Variants in HERC1 observed in about 807,000 individuals in gnomAD.
HERC1 encodes the protein probable E3 ubiquitin-protein ligase HERC1.
Under a neutral mutation model 554.3 loss-of-function variants are expected in HERC1, and 160 were observed. The observed-to-expected ratio is 0.29, with a 90% CI of 0.25 to 0.33. The LOEUF is 0.33. Ranked by LOEUF, HERC1 falls within the 10% of genes least tolerant of loss-of-function variation. The pLI is 1.00. For missense variants in HERC1, 4,919 were observed against 5,918.5 expected, an observed-to-expected ratio of 0.83 and a Z score of 5.54; for synonymous variants, 2,175 against 2,131.7, an observed-to-expected ratio of 1.02 and a Z score of -0.56.
In HERC1 at chr15:63,663,196, A is replaced by G. The variant is rs1302948647; in HGVS notation, c.8689T>C (p.Tyr2897His). The change falls in exon 44 of 78, where the codon TAC (tyrosine) becomes CAC (histidine). Residue 2897 changes from tyrosine to histidine, a missense_variant. By Grantham distance (83) the Tyr-to-His change is moderately conservative. This residue lies in a region of HERC1 where 1,963 missense variants were observed against 2,228.6 expected (regional missense o/e 0.88). Coordinates refer to ENST00000443617, the MANE Select transcript of HERC1 (RefSeq NM_003922.4). Reference sequence around the variant, plus strand: ...TTCCTGTGGGCCTGCACAGAGCGGTATAATCCCGCTCAGAACAAAACAAAA... The same window carrying G: ...TTCCTGTGGGCCTGCACAGAGCGGTGTAATCCCGCTCAGAACAAAACAAAA... ...RTLLARAAGL[Y>H]RSVQAHRNQS... 6.2e-7 allele frequency: 1 copy of G among 1,613,616 alleles called. No individual in the cohort carries two copies. Among genetic ancestry groups the G allele is most frequent in the Non-Finnish European group, 8.5e-7 (1 of 1,179,682 alleles).
chr15:63,656,030 C>T, intron 49 of HERC1, 58 bp downstream of exon 49: 3 of 1,597,898 alleles, frequency 1.9e-6, no homozygotes, highest in Non-Finnish European at 2.6e-6. Flanking sequence ...TTTCAAAAGG[C>T]TCAAGAATCA....
At chr15:63,715,789 G>A (rs1596050225) in intron 22 of HERC1, among the ~76,000 whole-genome samples, 1 of 152,194 alleles carries the variant, frequency 6.6e-6, no homozygotes, top group Admixed American at 6.5e-5. Context: ...ATAAAGGTAT[G>A]AAAAGTTTTA....
chr15:63,658,581 T>C lies in HERC1; in HGVS notation c.9562A>G (p.Thr3188Ala). Residue 3188 changes from threonine (T) to alanine (A), a missense_variant, in exon 48 of 78, where the codon ACC becomes GCC. Around this residue, in one of 11 missense-constraint regions of HERC1, gnomAD observed 1,963 missense variants for 2,228.6 expected, o/e 0.88. Transcript: ENST00000443617. ...AGAGACAGCGCTCTCATGACCATGG[T>C]TCTGGCCAGAAGAACCTGAGCAGCA... ...TAAAQVLLAR[T>A]MVMRALSLLS... 1.2e-6 allele frequency: 2 copies of C among 1,613,726 alleles called. No homozygotes were observed. The highest frequency in any genetic ancestry group is 2.2e-5 in the South Asian group (2 of 91,056).
intron 26 of HERC1, among the ~76,000 whole-genome samples, chr15:63,697,244 C>T (rs1229951819): frequency 6.6e-6 from 1 of 151,994 alleles, no homozygotes; most frequent in Non-Finnish European, 1.5e-5. Flanking sequence ...TTTCTCCTAC[C>T]CTGTGACAGA....
rs961149463 is a variant in HERC1, at chr15:63,726,535, T to C, written c.3347-1022A>G. ...GATATAACCATAGATATACTAGAGA[T>C]TTTTTAAAACCATGAATATTACAAA... On this transcript the variant is annotated intron_variant, in intron 17 of 77. Transcript: ENST00000443617. 3.9e-5 allele frequency among the ~76,000 whole-genome samples: 6 copies of C among 152,114 alleles called. No individual in the cohort carries two copies. The South Asian group carries it at 8.3e-4, about 21-fold the overall frequency.
chr15:63,727,816 A>G lies in HERC1; in HGVS notation c.3177T>C (p.Ala1059=), dbSNP rs1140418. Residue 1059 remains alanine, a synonymous_variant, in exon 17 of 78, where the codon GCT becomes GCC. Coordinates refer to ENST00000443617, the MANE Select transcript of HERC1 (RefSeq NM_003922.4). This position sits in a 1 kb window ranked among gnomAD's most constrained non-coding sequence, Gnocchi z 4.3. Reference sequence around the variant, plus strand: ...TAACAATCTGGCAGAGCATACTGCCAGCAGCTGAGACGTATATCACATCTA... The same window carrying G: ...TAACAATCTGGCAGAGCATACTGCCGGCAGCTGAGACGTATATCACATCTA... The part of the protein sequence containing the change: ...KLRDVIYVSA[A]GSMLCQIVNS... 2 of 1,613,694 alleles carry G rather than the reference A, an allele frequency of 1.2e-6. No homozygotes were observed. The highest frequency in any genetic ancestry group is 8.5e-7 in the Non-Finnish European group (1 of 1,179,728).
intron 54 of HERC1, 151 bp downstream of exon 54, chr15:63,649,574 G>C (rs948125965): frequency 4.8e-6 from 3 of 627,908 alleles, no homozygotes; most frequent in Non-Finnish European, 8.4e-6. Flanking sequence ...TTTCAATTCA[G>C]TAACTAATTA....
At chr15:63,664,674 G>T in intron 42 of HERC1, 80 bp from the exon 43 acceptor site, 1 of 1,215,844 alleles carries the variant, frequency 8.2e-7, no homozygotes, top group Non-Finnish European at 1.2e-6. Context: ...CTTACTTGTA[G>T]TACTACTTTA....
intron 57 of HERC1, among the ~76,000 whole-genome samples, chr15:63,644,230 T>G (rs999026727): frequency 3.3e-5 from 5 of 152,330 alleles, no homozygotes; most frequent in African/African-American, 1.2e-4. Context: ...CCAAAGATGA[T>G]GTAAAGTGTA....
intron 57 of HERC1, among the ~76,000 whole-genome samples, chr15:63,643,971 T>C (rs2069196477): frequency 6.6e-6 from 1 of 152,248 alleles, no homozygotes; most frequent in African/African-American, 2.4e-5. Context: ...TTTTGTTGGC[T>C]AATGGTTCTG....
Position 63,734,918 on chromosome 15 carries a change from C to T in HERC1, c.2521-69G>A, listed in dbSNP as rs1365911506. 6.7e-6 allele frequency: 9 copies of T among 1,339,494 alleles called. No individual in the cohort carries two copies. The highest frequency in any genetic ancestry group is 1.5e-5 in the African/African-American group (1 of 67,062). The allele number at this position is 1,339,494 out of a possible 1,614,324, so 83.0% of individuals were successfully genotyped here. ...GTTTTTAATAAAAACACACTTAAAG[C>T]GAACTCACTGACTACTAGGATCATG... On this transcript the variant is annotated intron_variant, in intron 12 of 77. Coordinates refer to ENST00000443617, the MANE Select transcript of HERC1 (RefSeq NM_003922.4). The surrounding 1 kb of genome is among the most constrained non-coding windows in gnomAD (Gnocchi z 4.6).
At chr15:63,741,837 C>G (rs1422546620) in intron 12 of HERC1, among the ~76,000 whole-genome samples, 1 of 152,146 alleles carries the variant, frequency 6.6e-6, no homozygotes, top group Non-Finnish European at 1.5e-5. Context: ...TTCCATTGAT[C>G]TATATATTTA....
intron 1 of HERC1, among the ~76,000 whole-genome samples, chr15:63,790,360 C>A (rs1182953363): frequency 6.6e-6 from 1 of 152,094 alleles, no homozygotes; most frequent in African/African-American, 2.4e-5. Context: ...GGGCGGATCA[C>A]GAGGTCAGGA....
intron 1 of HERC1, among the ~76,000 whole-genome samples, chr15:63,777,030 G>C (rs2076138389): frequency 6.6e-6 from 1 of 152,078 alleles, no homozygotes; most frequent in African/African-American, 2.4e-5. Context: ...AAATATTGCA[G>C]GGAAGGTGTC....
intron 1 of HERC1, among the ~76,000 whole-genome samples, chr15:63,826,535 T>C (rs1490126420): frequency 1.3e-5 from 2 of 151,888 alleles, no homozygotes; most frequent in African/African-American, 4.8e-5. Flanking sequence ...CCCAAAAGTA[T>C]TTTAGAGCAC....
At chr15:63,822,175 TAGTTC>T (rs1253065368) in intron 1 of HERC1, among the ~76,000 whole-genome samples, 1 of 152,144 alleles carries the variant, frequency 6.6e-6, no homozygotes, top group Non-Finnish European at 1.5e-5. Context: ...GGAATACGGA[TAGTTC>T]AATGTAGCAG....
chr15:63,817,654 G>A (rs2077536772), intron 1 of HERC1, among the ~76,000 whole-genome samples: 2 of 152,324 alleles, frequency 1.3e-5, no homozygotes, highest in African/African-American at 4.8e-5. Flanking sequence ...GTTGGAGGTT[G>A]CAGTCAGCCA....
intron 1 of HERC1, among the ~76,000 whole-genome samples, chr15:63,783,869 C>G (rs1441884128): frequency 6.6e-6 from 1 of 151,976 alleles, no homozygotes; most frequent in Non-Finnish European, 1.5e-5. Flanking sequence ...AGATCAAGAC[C>G]ATCCTGGCCA....
Position 63,752,781 on chromosome 15 carries a change from T to A in HERC1, c.1902+177A>T, listed in dbSNP as rs1436170003. 5.5e-6 allele frequency: 3 copies of A among 543,064 alleles called. No individual in the cohort carries two copies. The East Asian group carries it at 9.4e-5, about 17-fold the overall frequency. The allele number at this position is 543,064 out of a possible 1,614,324, so 33.6% of individuals were successfully genotyped here. A position where few individuals can be genotyped will look rare whatever the true frequency, so the allele number is the denominator to read the frequency against. ...TTTATCTGGGTCACATATGCCAGGTTAGAAAACCTGGTTCCTTCTCAGATA... is the reference window on the plus strand; with the variant it reads ...TTTATCTGGGTCACATATGCCAGGTAAGAAAACCTGGTTCCTTCTCAGATA... On this transcript the variant is annotated intron_variant, in intron 8 of 77. Coordinates refer to ENST00000443617, the MANE Select transcript of HERC1 (RefSeq NM_003922.4).
Sources: gnomAD v4.1 joint callset for allele counts (sites outside exome capture counted in the v4.1 genomes callset) on GRCh38, gnomAD v4.1.1 for gene constraint, gnomAD v4.1.1 regional missense constraint, Gnocchi (gnomAD v3.1) non-coding constraint, MANE v1.5 for transcripts, NCBI Gene and HGNC (gene_info 2026-07-23, HGNC 2026-07-21) for gene names.